Variants in NCKAP5 observed in about 807,000 individuals in gnomAD.
The protein encoded by NCKAP5 is NCK associated protein 5.
Under a neutral mutation model 167.0 loss-of-function variants are expected in NCKAP5, and 92 were observed. The ratio of observed to expected loss-of-function variants is 0.55; its 90% CI spans 0.47 to 0.66. The LOEUF (loss-of-function observed/expected upper bound fraction) is 0.66. Among genes scored for constraint, NCKAP5 ranks in the 30% least tolerant of loss-of-function variants. The pLI is 0.00. For missense variants in NCKAP5, 2,378 were observed against 2,315.0 expected (o/e 1.03, Z -0.56); for synonymous variants, 891 against 877.4 (o/e 1.02, Z -0.27).
chr2:132,787,174 G>A lies in NCKAP5; in HGVS notation c.1093-1456C>T, dbSNP rs570691596. 1.7e-4 allele frequency among the ~76,000 whole-genome samples: 26 copies of A among 151,972 alleles called. No homozygotes were observed. In the South Asian group the frequency reaches 3.1e-3, roughly 18 times the overall value. On this transcript the variant is annotated intron_variant, in intron 13 of 19. Transcript: ENST00000409261. ...ACTAGTCTGACCCATATGGTAAAAC[G>A]CCATCTCTACTAAAAATACAAGAAT...
At chr2:133,443,623 A>C (rs974573684) in intron 3 of NCKAP5, among the ~76,000 whole-genome samples, 1 of 152,118 alleles carries the variant, frequency 6.6e-6, no homozygotes, top group African/African-American at 2.4e-5. Flanking sequence ...TCCAGCATGG[A>C]TCACCACTCT....
At chr2:133,310,386 C>T (rs921119624) in intron 3 of NCKAP5, among the ~76,000 whole-genome samples, 11 of 152,238 alleles carry the variant, frequency 7.2e-5, no homozygotes, top group Non-Finnish European at 1.2e-4. Flanking sequence ...CAGCTGCAAC[C>T]TGGCTTCTAA....
chr2:132,782,590 T>A lies in NCKAP5; in HGVS notation c.4221A>T (p.Pro1407=). 6.3e-7 allele frequency: 1 copy of A among 1,586,468 alleles called. No homozygotes were observed. Among genetic ancestry groups the A allele is most frequent in the South Asian group, 1.2e-5 (1 of 85,256 alleles). Residue 1407 remains proline (P), a synonymous_variant, in exon 14 of 20, where the codon CCA becomes CCT. Transcript: ENST00000409261. The stretch of plus-strand genomic sequence containing the variant: ...GTGGGCAACTGCGGCGGTCACTGCC[T>A]GGTTCCCCAAGTACAGCCACATTGG... ...PSANVAVLGE[P]GSDRRSCPPT...
chr2:132,680,737 A>G (rs551022505), intron 19 of NCKAP5, among the ~76,000 whole-genome samples: 3 of 152,236 alleles, frequency 2.0e-5, no homozygotes, highest in Admixed American at 6.5e-5. Context: ...TAGTAGGAAG[A>G]TAAAGTAGCA....
At chr2:133,648,423 T>A in the NCKAP5 span, among the ~76,000 whole-genome samples, 1 of 152,230 alleles carries the variant, frequency 6.6e-6, no homozygotes, top group African/African-American at 2.4e-5. Context: ...AACAGACATA[T>A]ACCAAATATT....
intron 15 of NCKAP5, among the ~76,000 whole-genome samples, chr2:132,774,185 C>T (rs923500821): frequency 2.0e-5 from 3 of 152,088 alleles, no homozygotes; most frequent in African/African-American, 7.2e-5. Flanking sequence ...TAATTCTACA[C>T]AAAATTTTAG....
At chr2:133,497,734 G>A (rs902878523) in intron 3 of NCKAP5, among the ~76,000 whole-genome samples, 6 of 152,166 alleles carry the variant, frequency 3.9e-5, no homozygotes, top group Non-Finnish European at 7.4e-5. Flanking sequence ...AGGTTTGTTT[G>A]TTCCTTGGGC....
intron 4 of NCKAP5, among the ~76,000 whole-genome samples, chr2:133,253,853 C>T (rs1327526469): frequency 6.6e-6 from 1 of 152,142 alleles, no homozygotes; most frequent in Non-Finnish European, 1.5e-5. Flanking sequence ...CAGACATGTC[C>T]CACCAGCTCC....
intron 19 of NCKAP5, among the ~76,000 whole-genome samples, chr2:132,721,182 C>T (rs1419965267): frequency 6.6e-6 from 1 of 152,086 alleles, no homozygotes; most frequent in East Asian, 1.9e-4. Context: ...GCGGTGGGTG[C>T]CTGTAATCCC....
intron 19 of NCKAP5, among the ~76,000 whole-genome samples, chr2:132,695,712 C>T (rs888826184): frequency 1.3e-5 from 2 of 152,144 alleles, no homozygotes; most frequent in Admixed American, 1.3e-4. Context: ...GAACTTGAAA[C>T]AGGATCCAAG....
chr2:133,085,896 A>G (rs1573984690), intron 6 of NCKAP5, among the ~76,000 whole-genome samples: 1 of 152,192 alleles, frequency 6.6e-6, no homozygotes, highest in Non-Finnish European at 1.5e-5. Context: ...AAGGAAGCCA[A>G]GAGTCCATTA....
At chr2:133,038,383 C>G (rs886381498) in intron 6 of NCKAP5, among the ~76,000 whole-genome samples, 3 of 152,058 alleles carry the variant, frequency 2.0e-5, no homozygotes, top group African/African-American at 7.2e-5. Flanking sequence ...AGACAAACAT[C>G]GCATGTTTTC....
At chr2:133,473,124 G>T (rs751096866) in intron 3 of NCKAP5, among the ~76,000 whole-genome samples, 38 of 152,232 alleles carry the variant, frequency 2.5e-4, no homozygotes, top group Non-Finnish European at 4.7e-4. Context: ...ATGAGGTCAG[G>T]AGATCGAGAC....
intron 19 of NCKAP5, among the ~76,000 whole-genome samples, chr2:132,704,700 G>T (rs1439419562): frequency 2.0e-5 from 3 of 152,158 alleles, no homozygotes; most frequent in African/African-American, 7.2e-5. Context: ...ACTCAGTTTA[G>T]TCTCCATGGT....
At position 133,282,644 on chromosome 2, in the gene NCKAP5, T is replaced by C. The variant is rs144643180; in HGVS notation, c.143+20393A>G. Among the ~76,000 whole-genome samples the C allele has an allele frequency of 1.1e-4, 17 of 152,304 alleles. No individual in the cohort carries two copies. The East Asian group carries it at 2.1e-3, about 19-fold the overall frequency. ...GAAGATGCTGAATAGGGCTATCATA[T>C]AGCATGCATATTTGGGTAATACGGT... is the stretch of plus-strand genomic sequence containing the variant. On this transcript the variant is annotated intron_variant, in intron 4 of 19. Coordinates refer to ENST00000409261, the MANE Select transcript of NCKAP5 (RefSeq NM_207363.3).
intron 6 of NCKAP5, among the ~76,000 whole-genome samples, chr2:133,092,983 C>T (rs564010106): frequency 6.6e-6 from 1 of 152,198 alleles, no homozygotes; most frequent in Non-Finnish European, 1.5e-5. Flanking sequence ...TTTGCTTTTG[C>T]AGTTCCTGCC....
chr2:133,414,119 CACAGCAA>C (rs749681886), intron 3 of NCKAP5, among the ~76,000 whole-genome samples: 56 of 152,130 alleles, frequency 3.7e-4, no homozygotes, highest in Non-Finnish European at 5.4e-4. Context: ...AATGTCACGC[CACAGCAA>C]TTTCTGTCAT....
intron 5 of NCKAP5, among the ~76,000 whole-genome samples, chr2:133,166,078 C>A (rs530616760): frequency 2.0e-5 from 3 of 152,002 alleles, no homozygotes; most frequent in African/African-American, 7.3e-5. Context: ...AAATAGGGCC[C>A]TGCAGTGGAA....
intron 16 of NCKAP5, among the ~76,000 whole-genome samples, chr2:132,753,763 C>T: frequency 6.6e-6 from 1 of 152,194 alleles, no homozygotes; most frequent in East Asian, 1.9e-4. Flanking sequence ...ACATTTGGCC[C>T]TGGCTCTGGA....
Sources: gnomAD v4.1 joint callset for allele counts (sites outside exome capture counted in the v4.1 genomes callset) on GRCh38, gnomAD v4.1.1 for gene constraint, MANE v1.5 for transcripts, NCBI Gene and HGNC (gene_info 2026-07-23, HGNC 2026-07-21) for gene names.